Variants in RBMS3 observed in about 807,000 individuals in gnomAD.
RBMS3 encodes the protein RNA-binding motif, single-stranded-interacting protein 3.
Under a neutral mutation model 66.8 loss-of-function variants are expected in RBMS3, and 27 were observed. That is an observed-to-expected ratio of 0.40 (90% confidence interval 0.30 to 0.56). The LOEUF is 0.56. RBMS3 is among the 20% of genes least tolerant of loss of function. The pLI is 0.40. For missense variants in RBMS3, 513 were observed against 549.5 expected, an observed-to-expected ratio of 0.93 and a Z score of 0.66; for synonymous variants, 188 against 183.0, an observed-to-expected ratio of 1.03 and a Z score of -0.22.
At chr3:29,885,069 A>T (rs1183103443) in intron 8 of RBMS3, among the ~76,000 whole-genome samples, 1 of 151,866 alleles carries the variant, frequency 6.6e-6, no homozygotes, top group East Asian at 1.9e-4. Context: ...TTAAATAATT[A>T]CCTCTTATTC....
intron 10 of RBMS3, among the ~76,000 whole-genome samples, chr3:29,904,910 A>G (rs1197038827): frequency 1.3e-5 from 2 of 151,956 alleles, no homozygotes; most frequent in Non-Finnish European, 2.9e-5. Flanking sequence ...CTTATTTATA[A>G]AAGATCTTAT....
intron 4 of RBMS3, among the ~76,000 whole-genome samples, chr3:29,702,965 G>A (rs777453424): frequency 6.6e-6 from 1 of 152,350 alleles, no homozygotes; most frequent in South Asian, 2.1e-4. Context: ...AAGCCCTAGA[G>A]TGGTTAATGA....
At chr3:29,472,020 C>T (rs1262182746) in intron 2 of RBMS3, among the ~76,000 whole-genome samples, 1 of 152,000 alleles carries the variant, frequency 6.6e-6, no homozygotes, top group Non-Finnish European at 1.5e-5. Flanking sequence ...CTTCTGCCAT[C>T]AATGCTACTA....
chr3:29,999,693 G>A (rs1447242680), intron 14 of RBMS3, among the ~76,000 whole-genome samples: 1 of 151,848 alleles, frequency 6.6e-6, no homozygotes, highest in African/African-American at 2.4e-5. Flanking sequence ...TCACTCATAG[G>A]TGGGAATTGA....
At chr3:29,538,112 T>C (rs2045639618) in intron 3 of RBMS3, among the ~76,000 whole-genome samples, 1 of 152,178 alleles carries the variant, frequency 6.6e-6, no homozygotes, top group South Asian at 2.1e-4. Context: ...TTGGGCAGCT[T>C]GTCACATGTC....
intron 3 of RBMS3, among the ~76,000 whole-genome samples, chr3:29,582,614 G>A (rs1029814428): frequency 1.5e-4 from 23 of 152,140 alleles, no homozygotes; most frequent in Admixed American, 8.5e-4. Flanking sequence ...AGCAGTTACC[G>A]GAAAGCATTA....
intron 10 of RBMS3, among the ~76,000 whole-genome samples, chr3:29,905,130 A>G (rs2060345066): frequency 6.6e-6 from 1 of 151,904 alleles, no homozygotes; most frequent in African/African-American, 2.4e-5. Flanking sequence ...TCTGTGTCAC[A>G]CCTACTCAAT....
intron 6 of RBMS3, among the ~76,000 whole-genome samples, chr3:29,800,988 T>TGCGTGCACACAC (rs2057369664): frequency 1.4e-5 from 2 of 141,058 alleles, no homozygotes; most frequent in Non-Finnish European, 3.1e-5. Flanking sequence ...CAAGTGTGCA[T>TGCGTGCACACAC]GCGTGCACAC....
intron 10 of RBMS3, among the ~76,000 whole-genome samples, chr3:29,911,716 G>A (rs538161929): frequency 7.2e-5 from 11 of 152,058 alleles, no homozygotes; most frequent in African/African-American, 2.7e-4. Context: ...CAAATGCTTC[G>A]TTGCTAAGTT....
At chr3:29,628,779 A>G (rs374082792) in intron 4 of RBMS3, among the ~76,000 whole-genome samples, 3 of 152,240 alleles carry the variant, frequency 2.0e-5, no homozygotes, top group Middle Eastern at 3.4e-3. Context: ...TTAGGTATAG[A>G]TTTTTAAAAA....
intron 14 of RBMS3, among the ~76,000 whole-genome samples, chr3:29,999,155 T>C (rs1699448133): frequency 2.0e-5 from 3 of 152,062 alleles, no homozygotes; most frequent in Admixed American, 2.0e-4. Flanking sequence ...ACAAGACACA[T>C]GAAAAAATGC....
intron 1 of RBMS3, among the ~76,000 whole-genome samples, chr3:29,305,518 A>C (rs1371847494): frequency 6.6e-6 from 1 of 151,904 alleles, no homozygotes; most frequent in Non-Finnish European, 1.5e-5. Context: ...TTCCTACGCC[A>C]AATTGTATGC....
intron 1 of RBMS3, among the ~76,000 whole-genome samples, chr3:29,359,185 G>A (rs1411245359): frequency 1.3e-5 from 2 of 152,124 alleles, no homozygotes; most frequent in African/African-American, 4.8e-5. Flanking sequence ...CTGCGGGTTT[G>A]TCATAAATAG....
intron 12 of RBMS3, among the ~76,000 whole-genome samples, chr3:29,985,454 T>C (rs1461648601): frequency 5.3e-5 from 8 of 152,028 alleles, no homozygotes; most frequent in Non-Finnish European, 8.8e-5. Context: ...GGTTTTGTGC[T>C]TGAAACCCAG....
intron 3 of RBMS3, among the ~76,000 whole-genome samples, chr3:29,550,576 T>C (rs1415629011): frequency 6.6e-6 from 1 of 152,130 alleles, no homozygotes; most frequent in Non-Finnish European, 1.5e-5. Flanking sequence ...AAGACTATTA[T>C]ATAGTTTATA....
chr3:29,308,737 A>T (rs964753912), intron 1 of RBMS3, among the ~76,000 whole-genome samples: 58 of 25,616 alleles, frequency 2.3e-3, no homozygotes, highest in South Asian at 6.5e-3. Flanking sequence ...CATAGTGATT[A>T]AAAAAAAACA....
chr3:29,735,494 G>A (rs1576651166), intron 4 of RBMS3, among the ~76,000 whole-genome samples: 1 of 152,192 alleles, frequency 6.6e-6, no homozygotes, highest in East Asian at 1.9e-4. Context: ...TAGTGACATG[G>A]ACAGTTATAT....
chr3:29,495,417 C>CTTTTTT (rs775377508), intron 3 of RBMS3, among the ~76,000 whole-genome samples: 16 of 111,878 alleles, frequency 1.4e-4, no homozygotes, highest in South Asian at 9.1e-4. Context: ...ATATTTCTTT[C>CTTTTTT]TTTTTTTTTT....
chr3:29,433,531 G>A (rs2041287298), intron 1 of RBMS3, among the ~76,000 whole-genome samples: 1 of 152,054 alleles, frequency 6.6e-6, no homozygotes. Flanking sequence ...CATTTTGTTT[G>A]CATTAACTCA....
Sources: gnomAD v4.1 joint callset for allele counts (sites outside exome capture counted in the v4.1 genomes callset) on GRCh38, gnomAD v4.1.1 for gene constraint, MANE v1.5 for transcripts, NCBI Gene and HGNC (gene_info 2026-07-23, HGNC 2026-07-21) for gene names.